The following CRB1 variants were observed in gnomAD, a reference collection of about 807,000 sequenced individuals.
CRB1 encodes protein crumbs homolog 1.
CRB1 carries 83 observed loss-of-function variants against 120.0 expected under a neutral mutation model. That is an observed-to-expected ratio of 0.69 (90% CI 0.58 to 0.83). The LOEUF (loss-of-function observed/expected upper bound fraction) is 0.83. Ranked by LOEUF, CRB1 falls within the 40% of genes least tolerant of loss-of-function variation. The probability of loss-of-function intolerance (pLI) is 0.00; values close to 1 mark genes in which losing one functional copy is unlikely to be tolerated. For missense variants in CRB1, 1,699 were observed against 1,687.6 expected (o/e 1.01, Z -0.12); for synonymous variants, 625 against 612.5 (o/e 1.02, Z -0.30).
intron 9 of CRB1, 27 bp downstream of exon 9, chr1:197,435,639 G>C: frequency 6.3e-7 from 1 of 1,586,524 alleles, no homozygotes; most frequent in Non-Finnish European, 8.6e-7. Flanking sequence ...TATGAAGCTT[G>C]GTCTTTGAAG....
chr1:197,236,295 GT>G, the CRB1 span, among the ~76,000 whole-genome samples: 1 of 147,422 alleles, frequency 6.8e-6, no homozygotes, highest in Non-Finnish European at 1.5e-5. Context: ...CACCTCCCAG[GT>G]TCAAGCGATT....
At position 197,434,740 on chromosome 1, in the gene CRB1, T is replaced by A. The variant is rs1665043045; in HGVS notation, c.2877T>A (p.Gly959=). 6.2e-7 allele frequency: 1 copy of A among 1,613,546 alleles called. No homozygotes were observed. Among genetic ancestry groups the A allele is most frequent in the Non-Finnish European group, 8.5e-7 (1 of 1,179,624 alleles). ...IANAVFNGQS[G]QILFRSNGNI... The stretch of plus-strand genomic sequence containing the variant: ...ATGCTGTTTTTAATGGACAAAGCGG[T>A]CAAATATTATTCAGAAGCAATGGGA... Residue 959 remains glycine (G), a synonymous_variant, in exon 9 of 12, where the codon GGT becomes GGA. Transcript: ENST00000367400.
At chr1:197,276,720 T>A (rs1282210652) in intron 1 of CRB1, among the ~76,000 whole-genome samples, 1 of 151,926 alleles carries the variant, frequency 6.6e-6, no homozygotes, top group African/African-American at 2.4e-5. Flanking sequence ...TGAGATACTG[T>A]AAGTTGTCCA....
At chr1:197,432,299 G>A (rs1035249118) in intron 8 of CRB1, among the ~76,000 whole-genome samples, 3 of 148,224 alleles carry the variant, frequency 2.0e-5, no homozygotes, top group African/African-American at 7.4e-5. Context: ...TTAAAAACAT[G>A]TAATGAAACA....
intron 1 of CRB1, among the ~76,000 whole-genome samples, chr1:197,314,884 C>T (rs1657753850): frequency 6.6e-6 from 1 of 152,158 alleles, no homozygotes; most frequent in African/African-American, 2.4e-5. Flanking sequence ...CTAGGCCCCT[C>T]AGAGACCCAT....
chr1:197,371,376 C>G lies in CRB1; in HGVS notation c.1171+14363C>G, dbSNP rs150212741. Among the ~76,000 whole-genome samples, 22 of 152,166 alleles carry G rather than the reference C, an allele frequency of 1.4e-4. 1 individual carries two copies. The East Asian group carries it at 3.9e-3, about 27-fold the overall frequency. On this transcript the variant is annotated intron_variant, in intron 5 of 11. Coordinates refer to ENST00000367400, the MANE Select transcript of CRB1 (RefSeq NM_201253.3). ...TTTATGGTGCCAAATCTCATGGGGC[C>G]TTTAGCACTAGATAAAAATCCTTCT...
intron 1 of CRB1, among the ~76,000 whole-genome samples, chr1:197,283,329 G>T (rs922986742): frequency 3.3e-5 from 5 of 151,250 alleles, no homozygotes; most frequent in Admixed American, 1.3e-4. Context: ...TGAGATTTTG[G>T]TGCACCCATC....
intron 2 of CRB1, among the ~76,000 whole-genome samples, chr1:197,330,809 A>G (rs886563174): frequency 1.3e-5 from 2 of 151,914 alleles, no homozygotes; most frequent in Non-Finnish European, 2.9e-5. Context: ...CCCAAATGTT[A>G]GTTTCTAAAG....
At chr1:197,362,246 T>C (rs1015868030) in intron 5 of CRB1, among the ~76,000 whole-genome samples, 33 of 152,116 alleles carry the variant, frequency 2.2e-4, no homozygotes, top group Non-Finnish European at 3.2e-4. Flanking sequence ...TCAAATTTGT[T>C]GGGGTTTGTT....
the CRB1 span, among the ~76,000 whole-genome samples, chr1:197,230,943 ATCTC>A: frequency 1.1e-4 from 16 of 152,198 alleles, no homozygotes; most frequent in East Asian, 3.1e-3. Context: ...AGATGATAGT[ATCTC>A]TCATGAAATT....
chr1:197,391,100 G>T (rs1228661749), intron 5 of CRB1, among the ~76,000 whole-genome samples: 1 of 152,082 alleles, frequency 6.6e-6, no homozygotes, highest in African/African-American at 2.4e-5. Context: ...AGGAGAATTC[G>T]CTTGGAGACC....
chr1:197,327,550 C>T (rs1195706617), intron 1 of CRB1, among the ~76,000 whole-genome samples: 1 of 152,112 alleles, frequency 6.6e-6, no homozygotes, highest in Non-Finnish European at 1.5e-5. Flanking sequence ...CACACACACA[C>T]AAGAAATATA....
intron 11 of CRB1, among the ~76,000 whole-genome samples, chr1:197,476,400 G>GCA (rs1438244185): frequency 3.3e-5 from 5 of 151,284 alleles, no homozygotes; most frequent in Non-Finnish European, 7.4e-5. Context: ...GTGTGTGTGC[G>GCA]CGTCTTCCTC....
At position 197,268,533 on chromosome 1, in the gene CRB1, A is replaced by G. The variant is rs369347981; in HGVS notation, c.70+51A>G. 16 of 1,288,890 alleles carry G rather than the reference A, an allele frequency of 1.2e-5. 1 individual carries two copies. The highest frequency in any genetic ancestry group is 5.9e-5 in the African/African-American group (4 of 68,302). The allele number at this position is 1,288,890 out of a possible 1,614,324, so 79.8% of individuals were successfully genotyped here. A position where few individuals can be genotyped will look rare whatever the true frequency, so the allele number is the denominator to read the frequency against. The stretch of plus-strand genomic sequence containing the variant: ...TTTCCTGGTTTATTTCTGGCTTATT[A>G]TATTTCTTACAAATAATGGATAATG... On this transcript the variant is annotated intron_variant, in intron 1 of 11. Coordinates refer to ENST00000367400, the MANE Select transcript of CRB1 (RefSeq NM_201253.3).
intron 5 of CRB1, among the ~76,000 whole-genome samples, chr1:197,401,665 T>G (rs1315711733): frequency 6.6e-6 from 1 of 152,154 alleles, no homozygotes; most frequent in Non-Finnish European, 1.5e-5. Flanking sequence ...ATCTGCCCAC[T>G]AATATTTGAT....
chr1:197,401,696 TTAAC>T (rs1428529736), intron 5 of CRB1, among the ~76,000 whole-genome samples: 2 of 152,102 alleles, frequency 1.3e-5, no homozygotes, highest in Non-Finnish European at 2.9e-5. Flanking sequence ...TTTATGCTAT[TTAAC>T]TAATATTCTT....
At chr1:197,341,254 T>A (rs952772817) in intron 2 of CRB1, among the ~76,000 whole-genome samples, 1 of 152,098 alleles carries the variant, frequency 6.6e-6, no homozygotes. Context: ...ATCAGGAGGA[T>A]GATCTGGGCC....
intron 3 of CRB1, among the ~76,000 whole-genome samples, chr1:197,345,079 A>G (rs1659690287): frequency 6.6e-6 from 1 of 152,248 alleles, no homozygotes; most frequent in South Asian, 2.1e-4. Context: ...AATATAATAA[A>G]TGTGTGTAAC....
intron 1 of CRB1, among the ~76,000 whole-genome samples, chr1:197,277,645 TTATC>T (rs371182600): frequency 2.6e-5 from 4 of 152,038 alleles, no homozygotes; most frequent in Non-Finnish European, 5.9e-5. Context: ...ATAATTTTCA[TTATC>T]TATTCTTTTA....
Sources: gnomAD v4.1 joint callset for allele counts (sites outside exome capture counted in the v4.1 genomes callset) on GRCh38, gnomAD v4.1.1 for gene constraint, MANE v1.5 for transcripts, NCBI Gene and HGNC (gene_info 2026-07-23, HGNC 2026-07-21) for gene names.